Variants in MDFIC2 observed in about 807,000 individuals in gnomAD.
MDFIC2 encodes the protein myoD family inhibitor domain-containing protein 2.
intron 3 of MDFIC2, 89 bp from the exon 4 acceptor site, chr3:70,197,274 A>G (rs1022051892): frequency 1.0e-5 from 4 of 397,494 alleles, no homozygotes; most frequent in Non-Finnish European, 1.8e-5. Context: ...TGATAACTTG[A>G]TAGCCAACTC....
intron 2 of MDFIC2, among the ~76,000 whole-genome samples, chr3:70,272,842 T>G (rs891664076): frequency 5.3e-5 from 8 of 152,170 alleles, no homozygotes; most frequent in African/African-American, 1.9e-4. Context: ...GGCAAGACTT[T>G]GGGAAGGAAG....
At chr3:70,256,959 A>G (rs1701822467) in intron 2 of MDFIC2, among the ~76,000 whole-genome samples, 1 of 152,190 alleles carries the variant, frequency 6.6e-6, no homozygotes, top group Non-Finnish European at 1.5e-5. Context: ...GTGAAGCACA[A>G]GGAAAAGCCC....
At chr3:70,199,253 A>T (rs1218991158) in intron 3 of MDFIC2, among the ~76,000 whole-genome samples, 1 of 152,120 alleles carries the variant, frequency 6.6e-6, no homozygotes, top group African/African-American at 2.4e-5. Flanking sequence ...CCTGTTCGTA[A>T]AGTGGTCTTA....
intron 2 of MDFIC2, among the ~76,000 whole-genome samples, chr3:70,213,439 G>A (rs570202821): frequency 1.3e-5 from 2 of 152,192 alleles, no homozygotes; most frequent in East Asian, 3.9e-4. Flanking sequence ...CAAACGTATA[G>A]ACCATTTTTT....
At chr3:70,302,915 T>A (rs1399211913) in intron 2 of MDFIC2, among the ~76,000 whole-genome samples, 1 of 152,156 alleles carries the variant, frequency 6.6e-6, no homozygotes, top group East Asian at 1.9e-4. Context: ...AAAGAAATTT[T>A]AACCATCAGC....
chr3:70,307,284 C>T (rs1702411298), intron 2 of MDFIC2, among the ~76,000 whole-genome samples: 2 of 152,056 alleles, frequency 1.3e-5, no homozygotes, highest in Non-Finnish European at 2.9e-5. Context: ...CCAGTTTCTC[C>T]TGAAAAATCA....
intron 2 of MDFIC2, among the ~76,000 whole-genome samples, chr3:70,275,649 C>G (rs1158977080): frequency 6.6e-6 from 1 of 152,208 alleles, no homozygotes; most frequent in Non-Finnish European, 1.5e-5. Context: ...ACTCAACCTC[C>G]CACGCCTCAG....
Position 70,196,536 on chromosome 3 carries a change from A to G in MDFIC2, c.*390T>C, listed in dbSNP as rs971893172. Among the ~76,000 whole-genome samples the G allele has an allele frequency of 6.6e-6, 1 of 152,210 alleles. No individual in the cohort carries two copies. The highest frequency in any genetic ancestry group is 2.1e-4 in the South Asian group (1 of 4,832). On this transcript the variant is annotated 3_prime_UTR_variant, in exon 4 of 4. Transcript: ENST00000567252. ...TAGAAAGACGAGCTAATGTATGTCA[A>G]TTCTAAAAGAATGCACTAATTTGTC...
intron 2 of MDFIC2, among the ~76,000 whole-genome samples, chr3:70,296,969 G>T (rs1178360360): frequency 6.6e-6 from 1 of 151,806 alleles, no homozygotes; most frequent in African/African-American, 2.4e-5. Context: ...GTCAATATCT[G>T]ATCTAATATC....
chr3:70,293,339 T>C (rs1312018819), intron 2 of MDFIC2, among the ~76,000 whole-genome samples: 1 of 152,168 alleles, frequency 6.6e-6, no homozygotes, highest in Non-Finnish European at 1.5e-5. Flanking sequence ...TATATGTGTG[T>C]CCTTATTAAT....
At chr3:70,261,663 T>C (rs1170971728) in intron 2 of MDFIC2, among the ~76,000 whole-genome samples, 8 of 152,156 alleles carry the variant, frequency 5.3e-5, no homozygotes, top group African/African-American at 1.9e-4. Flanking sequence ...CAGCCAAAAC[T>C]GGCCTTATTT....
intron 2 of MDFIC2, among the ~76,000 whole-genome samples, chr3:70,236,070 C>A (rs114334690): frequency 6.6e-6 from 1 of 152,130 alleles, no homozygotes; most frequent in Non-Finnish European, 1.5e-5. Context: ...ATCTTTCCCA[C>A]GACCTTGGCT....
intron 2 of MDFIC2, among the ~76,000 whole-genome samples, chr3:70,305,931 C>G (rs979507013): frequency 2.0e-5 from 3 of 152,004 alleles, no homozygotes; most frequent in African/African-American, 7.2e-5. Context: ...TTTTGGACCT[C>G]TAGGCTCTTT....
chr3:70,209,271 A>T (rs1576155767), intron 2 of MDFIC2, among the ~76,000 whole-genome samples: 1 of 152,066 alleles, frequency 6.6e-6, no homozygotes, highest in East Asian at 1.9e-4. Context: ...ACTAGATGCT[A>T]GTAGCACCTG....
intron 2 of MDFIC2, among the ~76,000 whole-genome samples, chr3:70,263,619 C>T (rs913626617): frequency 6.6e-6 from 1 of 152,188 alleles, no homozygotes; most frequent in Non-Finnish European, 1.5e-5. Context: ...TCACTTCACA[C>T]ATGTAGATGG....
chr3:70,299,089 A>G (rs1445329209), intron 2 of MDFIC2, among the ~76,000 whole-genome samples: 3 of 152,136 alleles, frequency 2.0e-5, no homozygotes, highest in Non-Finnish European at 4.4e-5. Flanking sequence ...ATCATAATGA[A>G]TTCCTTTGAG....
At chr3:70,305,998 C>G (rs912552103) in intron 2 of MDFIC2, among the ~76,000 whole-genome samples, 1 of 152,070 alleles carries the variant, frequency 6.6e-6, no homozygotes, top group Admixed American at 6.6e-5. Flanking sequence ...ACCATGATAA[C>G]CAGTGTATTC....
At chr3:70,227,958 T>A (rs1356554454) in intron 2 of MDFIC2, among the ~76,000 whole-genome samples, 1 of 151,870 alleles carries the variant, frequency 6.6e-6, no homozygotes, top group Non-Finnish European at 1.5e-5. Context: ...GTGAATAGTA[T>A]AACATTCATA....
intron 2 of MDFIC2, among the ~76,000 whole-genome samples, chr3:70,307,190 G>T (rs547293604): frequency 5.9e-5 from 9 of 152,198 alleles, no homozygotes; most frequent in Non-Finnish European, 7.4e-5. Flanking sequence ...TTTTATTGTT[G>T]TTGTTTTGGT....
Sources: allele counts gnomAD v4.1 joint callset (sites outside exome capture counted in the v4.1 genomes callset), GRCh38; gene constraint gnomAD v4.1.1; transcripts MANE v1.5; gene names NCBI Gene and HGNC (gene_info 2026-07-23, HGNC 2026-07-21).